GABARAPL2: variants seen among roughly 807,000 people sequenced by gnomAD.
The protein encoded by GABARAPL2 is gamma-aminobutyric acid receptor-associated protein-like 2.
GABARAPL2 carries 11 observed loss-of-function variants against 16.9 expected under a neutral mutation model. The ratio of observed to expected loss-of-function variants is 0.65; its 90% CI spans 0.41 to 1.08. The LOEUF is 1.08. GABARAPL2 is among the 50% of genes least tolerant of loss of function. The probability of loss-of-function intolerance (pLI) is 0.00; values close to 1 mark genes in which losing one functional copy is unlikely to be tolerated. For synonymous variants in GABARAPL2, 57 were observed against 50.7 expected (o/e 1.12, Z -0.53); for missense variants, 134 against 142.5 (o/e 0.94, Z 0.30).
In GABARAPL2 at chr16:75,577,415, TA is replaced by T. The variant is rs759401119; in HGVS notation, c.*49del. 9.0e-7 allele frequency: 1 copy of T among 1,108,598 alleles called. No individual in the cohort carries two copies. Among genetic ancestry groups the T allele is most frequent in the Admixed American group, 1.7e-5 (1 of 59,074 alleles). 68.7% of individuals were successfully genotyped at this position (1,108,598 alleles called of 1,614,324 possible). A position where few individuals can be genotyped will look rare whatever the true frequency, so the allele number is the denominator to read the frequency against. ...GCACCGTAACTGCTTGTGTATCTTG[TA>T]AATAGCCAGCCATTTTCAGTTATTA... On this transcript the variant is annotated 3_prime_UTR_variant, in exon 4 of 4. Coordinates refer to ENST00000037243, the MANE Select transcript of GABARAPL2 (RefSeq NM_007285.7).
At chr16:75,573,574 TCTAA>T (rs1194731411) in intron 3 of GABARAPL2, among the ~76,000 whole-genome samples, 2 of 152,238 alleles carry the variant, frequency 1.3e-5, no homozygotes, top group African/African-American at 4.8e-5. Flanking sequence ...CACTGAGGCA[TCTAA>T]CTGTCAAATT....
intron 2 of GABARAPL2, 93 bp from the exon 3 acceptor site, chr16:75,567,944 C>G: frequency 1.1e-6 from 1 of 907,746 alleles, no homozygotes; most frequent in South Asian, 1.7e-5. Flanking sequence ...CCACCCACCT[C>G]CTTGCCCACA....
chr16:75,571,179 G>C (rs1229755075), intron 3 of GABARAPL2, among the ~76,000 whole-genome samples: 2 of 152,182 alleles, frequency 1.3e-5, no homozygotes, highest in Admixed American at 1.3e-4. Context: ...TCCTGGGCTT[G>C]AGAAGTCCTC....
At position 75,577,156 on chromosome 16, in the gene GABARAPL2, A is replaced by G. The variant is rs1272567657; in HGVS notation, c.264-123A>G. 4 of 664,132 alleles carry G rather than the reference A, an allele frequency of 6.0e-6. 1 individual carries two copies. The Middle Eastern group carries it at 7.5e-4, about 124-fold the overall frequency. 41.1% of individuals were successfully genotyped at this position (664,132 alleles called of 1,614,324 possible). On this transcript the variant is annotated intron_variant, in intron 3 of 3. Transcript: ENST00000037243. ...CTCCTTTCTCTTGCTTTAAAACAGG[A>G]TTATAAGCACACAGCAGGTACTGAC...
chr16:75,571,676 T>TC, intron 3 of GABARAPL2, among the ~76,000 whole-genome samples: 1 of 151,908 alleles, frequency 6.6e-6, no homozygotes, highest in East Asian at 2.0e-4. Flanking sequence ...CAGGACTTTT[T>TC]TTTTTTTTTT....
At chr16:75,575,656 T>A (rs1488807844) in intron 3 of GABARAPL2, 1 of 152,254 alleles carries the variant, frequency 6.6e-6, no homozygotes, top group South Asian at 2.1e-4. Flanking sequence ...TTCACCGTTG[T>A]TAGCCAGGAT....
At chr16:75,568,276 A>G (rs1043493323) in intron 3 of GABARAPL2, 67 bp downstream of exon 3, 35 of 1,181,792 alleles carry the variant, frequency 3.0e-5, no homozygotes, top group Non-Finnish European at 4.1e-5. Context: ...CGGAACTCCA[A>G]AACTTTGGAA....
chr16:75,569,066 CT>C (rs1344157575), intron 3 of GABARAPL2, among the ~76,000 whole-genome samples: 1 of 152,190 alleles, frequency 6.6e-6, no homozygotes, highest in African/African-American at 2.4e-5. Context: ...AGTAATACTT[CT>C]AAAAGTGAAG....
intron 3 of GABARAPL2, among the ~76,000 whole-genome samples, chr16:75,575,299 A>AC (rs1555506422): frequency 2.7e-5 from 4 of 146,726 alleles, no homozygotes; most frequent in Non-Finnish European, 6.0e-5. Flanking sequence ...GTTGAAATTA[A>AC]TTTTTTTTTT....
At chr16:75,566,654 T>A in intron 1 of GABARAPL2, 134 bp downstream of exon 1, 1 of 1,075,682 alleles carries the variant, frequency 9.3e-7, no homozygotes, top group Non-Finnish European at 1.4e-6. Flanking sequence ...CATGCCCTGG[T>A]GCCTCGGGCA....
rs185881672 is a variant in GABARAPL2 at position 75,567,438 on chromosome 16, A to G, written c.90+531A>G. 3.0e-4 allele frequency among the ~76,000 whole-genome samples: 45 copies of G among 152,246 alleles called. No homozygotes were observed. The East Asian group carries it at 5.6e-3, about 19-fold the overall frequency. ...ATAAATATAATGTTATATTTCTTCC[A>G]TGGTTGGGGAGATAGTTTTGTAATC... On this transcript the variant is annotated intron_variant, in intron 2 of 3. Transcript: ENST00000037243.
chr16:75,571,489 C>T (rs1735924776), intron 3 of GABARAPL2, among the ~76,000 whole-genome samples: 1 of 152,166 alleles, frequency 6.6e-6, no homozygotes, highest in Admixed American at 6.6e-5. Flanking sequence ...TGAGAATCCA[C>T]CCTAAAGCAG....
rs2080881400 is a variant in GABARAPL2 at position 75,566,384 on chromosome 16, C to T, written c.-103C>T. Reference sequence around the variant, plus strand: ...GGAAGTCCCGCCTGCCGTGTAGTCGCCGCCGTCGCTGCCGCTGCCGCTGCC... The same window carrying T: ...GGAAGTCCCGCCTGCCGTGTAGTCGTCGCCGTCGCTGCCGCTGCCGCTGCC... On this transcript the variant is annotated 5_prime_UTR_variant, in exon 1 of 4. Transcript: ENST00000037243. 3 of 853,774 alleles carry T rather than the reference C, an allele frequency of 3.5e-6. No individual in the cohort carries two copies. Among genetic ancestry groups the T allele is most frequent in the Admixed American group, 2.2e-5 (1 of 45,540 alleles). 52.9% of individuals were successfully genotyped at this position (853,774 alleles called of 1,614,324 possible). A position where few individuals can be genotyped will look rare whatever the true frequency, so the allele number is the denominator to read the frequency against.
At chr16:75,566,977 C>A (rs1393469220) in intron 2 of GABARAPL2, 70 bp downstream of exon 2, 2 of 1,279,172 alleles carry the variant, frequency 1.6e-6, no homozygotes, top group Non-Finnish European at 1.1e-6. Context: ...AGGCCCCAGG[C>A]CATTCAACAG....
Position 75,577,625 on chromosome 16 carries a change from A to G in GABARAPL2, c.*256A>G, listed in dbSNP as rs745643152. The G allele has an allele frequency of 2.8e-6, 1 of 363,266 alleles. No individual in the cohort carries two copies. The highest frequency in any genetic ancestry group is 5.0e-6 in the Non-Finnish European group (1 of 198,860). The allele number at this position is 363,266 out of a possible 1,614,324, so 22.5% of individuals were successfully genotyped here. ...GGAAACTTGTCCTTCTGGAAATCATATTGAATGATATTTCTATATCGAAGT... is the reference window on the plus strand; with the variant it reads ...GGAAACTTGTCCTTCTGGAAATCATGTTGAATGATATTTCTATATCGAAGT... On this transcript the variant is annotated 3_prime_UTR_variant, in exon 4 of 4. Transcript: ENST00000037243.
At chr16:75,573,563 G>A (rs2080929251) in intron 3 of GABARAPL2, among the ~76,000 whole-genome samples, 1 of 152,218 alleles carries the variant, frequency 6.6e-6, no homozygotes. Context: ...AAGTTCTTAC[G>A]CACTGAGGCA....
intron 3 of GABARAPL2, among the ~76,000 whole-genome samples, chr16:75,574,446 G>A (rs971645311): frequency 6.6e-6 from 1 of 152,182 alleles, no homozygotes; most frequent in Non-Finnish European, 1.5e-5. Context: ...TTGTCATCAA[G>A]ATCACCCTGG....
At position 75,569,369 on chromosome 16, in the gene GABARAPL2, C is replaced by T. The variant is rs552003081; in HGVS notation, c.263+1160C>T. On this transcript the variant is annotated intron_variant, in intron 3 of 3. Coordinates refer to ENST00000037243, the MANE Select transcript of GABARAPL2 (RefSeq NM_007285.7). ...ACTGGACGCCATTGGTCTGCCACAGCTGTAGCTCTGGAAGCTGTGGTGTTG... is the reference window on the plus strand; with the variant it reads ...ACTGGACGCCATTGGTCTGCCACAGTTGTAGCTCTGGAAGCTGTGGTGTTG... Among the ~76,000 whole-genome samples, 4 of 152,332 alleles carry T rather than the reference C, an allele frequency of 2.6e-5. No homozygotes were observed. The East Asian group carries it at 5.8e-4, about 22-fold the overall frequency.
chr16:75,572,825 G>A (rs909709029), intron 3 of GABARAPL2: 1 of 152,270 alleles, frequency 6.6e-6, no homozygotes, highest in Non-Finnish European at 1.5e-5. Context: ...CAGTGCTTCT[G>A]TACTCAGAGC....
Sources: allele counts gnomAD v4.1 joint callset (sites outside exome capture counted in the v4.1 genomes callset), GRCh38; gene constraint gnomAD v4.1.1; transcripts MANE v1.5; gene names NCBI Gene and HGNC (gene_info 2026-07-23, HGNC 2026-07-21).